Variants in TWSG1 observed in about 807,000 individuals in gnomAD.
TWSG1 encodes twisted gastrulation protein homolog 1.
In TWSG1, 15 loss-of-function variants were observed where a neutral mutation model predicts 23.0. That is an observed-to-expected ratio of 0.65 (90% CI 0.44 to 1.00). TWSG1 has a LOEUF of 1.00. TWSG1 is among the 50% of genes least tolerant of loss of function. The pLI, the probability that TWSG1 is intolerant of heterozygous loss-of-function variation, is 0.00. For synonymous variants in TWSG1, 86 were observed against 92.8 expected, an observed-to-expected ratio of 0.93 and a Z score of 0.42; for missense variants, 242 against 278.7, an observed-to-expected ratio of 0.87 and a Z score of 0.94.
chr18:9,376,852 T>G (rs1327976542), intron 3 of TWSG1, among the ~76,000 whole-genome samples: 2 of 141,568 alleles, frequency 1.4e-5, no homozygotes, highest in African/African-American at 5.2e-5. Context: ...AAAAAAAAAG[T>G]ATTAGGCCTA....
intron 3 of TWSG1, among the ~76,000 whole-genome samples, chr18:9,378,435 A>G (rs564337719): frequency 6.6e-6 from 1 of 152,300 alleles, no homozygotes; most frequent in South Asian, 2.1e-4. Flanking sequence ...TACAAAATCA[A>G]TGTACAAAAA....
chr18:9,367,103 T>A (rs867057211), intron 3 of TWSG1, among the ~76,000 whole-genome samples: 16 of 152,244 alleles, frequency 1.1e-4, no homozygotes, highest in Middle Eastern at 3.4e-3. Context: ...CGCTAATTTT[T>A]AAATTTTTTG....
At chr18:9,383,200 T>TTG (rs1255586859) in intron 3 of TWSG1, among the ~76,000 whole-genome samples, 72 of 91,812 alleles carry the variant, frequency 7.8e-4, no homozygotes, top group South Asian at 1.9e-3. Context: ...TTTTGTTTTT[T>TTG]TTTTTTTTTT....
intron 3 of TWSG1, among the ~76,000 whole-genome samples, chr18:9,373,730 A>G (rs1471711085): frequency 6.6e-6 from 1 of 152,222 alleles, no homozygotes; most frequent in African/African-American, 2.4e-5. Context: ...TCATTCCACA[A>G]CAGCAGAATA....
At chr18:9,367,031 G>A (rs7242298) in intron 3 of TWSG1, among the ~76,000 whole-genome samples, 10,206 of 151,954 alleles carry the variant, frequency 0.067, 409 homozygotes, top group Admixed American at 0.09. Context: ...CACTGCAGCC[G>A]CAACCTCAAG....
intron 2 of TWSG1, among the ~76,000 whole-genome samples, chr18:9,339,627 A>C (rs2040437235): frequency 6.6e-6 from 1 of 152,074 alleles, no homozygotes; most frequent in South Asian, 2.1e-4. Flanking sequence ...GCCATTAAAA[A>C]AATTTAAAAA....
intron 1 of TWSG1, among the ~76,000 whole-genome samples, chr18:9,336,237 C>A (rs1228865665): frequency 1.3e-5 from 2 of 151,942 alleles, no homozygotes; most frequent in East Asian, 3.8e-4. Flanking sequence ...ACTAAAAATA[C>A]AAAAATTAGC....
At chr18:9,340,116 C>A (rs1471492066) in intron 2 of TWSG1, among the ~76,000 whole-genome samples, 9 of 151,890 alleles carry the variant, frequency 5.9e-5, no homozygotes, top group Non-Finnish European at 1.2e-4. Flanking sequence ...AGCCTGTAAT[C>A]CCAGCACTTC....
rs576890293 is a variant in TWSG1 at position 9,341,839 on chromosome 18, A to G, written c.123+4487A>G. Reference sequence around the variant, plus strand: ...TTTTTTTTTAGCAATGAGACAGACTATAAGTGAGTTTTAAGAACAGTGCAT... The same window carrying G: ...TTTTTTTTTAGCAATGAGACAGACTGTAAGTGAGTTTTAAGAACAGTGCAT... On this transcript the variant is annotated intron_variant, in intron 2 of 4. Coordinates refer to ENST00000262120, the MANE Select transcript of TWSG1 (RefSeq NM_020648.6). 6.6e-5 allele frequency among the ~76,000 whole-genome samples: 10 copies of G among 151,608 alleles called. No homozygotes were observed. In the South Asian group the frequency reaches 1.9e-3, roughly 28 times the overall value.
chr18:9,366,447 A>T (rs1260158583), intron 3 of TWSG1, among the ~76,000 whole-genome samples: 2 of 152,346 alleles, frequency 1.3e-5, no homozygotes, highest in East Asian at 3.9e-4. Context: ...GACAGGCTCT[A>T]CCACCTAGTG....
chr18:9,365,652 A>G, intron 3 of TWSG1, among the ~76,000 whole-genome samples: 1 of 151,350 alleles, frequency 6.6e-6, no homozygotes. Flanking sequence ...AGTCCAGCCT[A>G]GGCGGCAGAG....
chr18:9,343,117 T>G (rs1325542805), intron 2 of TWSG1, among the ~76,000 whole-genome samples: 2 of 151,624 alleles, frequency 1.3e-5, no homozygotes, highest in Admixed American at 6.6e-5. Flanking sequence ...GAGTCTAGTG[T>G]TGGTCTTTTC....
chr18:9,346,790 C>T (rs1438245241), intron 2 of TWSG1, among the ~76,000 whole-genome samples: 1 of 152,186 alleles, frequency 6.6e-6, no homozygotes, highest in African/African-American at 2.4e-5. Context: ...CTGCTATAAC[C>T]ATCCATGTGC....
intron 2 of TWSG1, among the ~76,000 whole-genome samples, chr18:9,353,689 G>C (rs1023343059): frequency 2.0e-5 from 3 of 152,248 alleles, no homozygotes; most frequent in African/African-American, 7.2e-5. Context: ...AAAAAGCCTT[G>C]AGTCAGAAGA....
intron 2 of TWSG1, among the ~76,000 whole-genome samples, chr18:9,346,758 G>A (rs1222270903): frequency 6.6e-6 from 1 of 152,204 alleles, no homozygotes; most frequent in African/African-American, 2.4e-5. Flanking sequence ...GCGAGACCCT[G>A]TCCCTATAAA....
In TWSG1 at chr18:9,376,998, G is replaced by A. The variant is rs542512576; in HGVS notation, c.223+16927G>A. On this transcript the variant is annotated intron_variant, in intron 3 of 4. Transcript: ENST00000262120. ...TATTATGTATCATAAGTAATCTAGAGATTATTTCAAGTATTCACGAGGCTG... is the reference window on the plus strand; with the variant it reads ...TATTATGTATCATAAGTAATCTAGAAATTATTTCAAGTATTCACGAGGCTG... 5.9e-5 allele frequency among the ~76,000 whole-genome samples: 9 copies of A among 152,074 alleles called. No individual in the cohort carries two copies. The East Asian group carries it at 1.5e-3, about 26-fold the overall frequency.
intron 2 of TWSG1, among the ~76,000 whole-genome samples, chr18:9,357,548 A>C (rs1158325218): frequency 6.6e-6 from 1 of 152,216 alleles, no homozygotes; most frequent in African/African-American, 2.4e-5. Context: ...ACATTTTGAA[A>C]GCACGGTATT....
intron 1 of TWSG1, among the ~76,000 whole-genome samples, chr18:9,335,538 G>A (rs574983901): frequency 3.9e-5 from 6 of 152,312 alleles, no homozygotes; most frequent in Admixed American, 1.3e-4. Context: ...GGAAAGGGGG[G>A]AAATCCCAGT....
At chr18:9,392,530 A>G (rs1310388546) in intron 3 of TWSG1, among the ~76,000 whole-genome samples, 1 of 152,208 alleles carries the variant, frequency 6.6e-6, no homozygotes, top group Non-Finnish European at 1.5e-5. Context: ...AACTTTCTCC[A>G]TATCAGCAAT....
Sources: gnomAD v4.1 joint callset for allele counts (sites outside exome capture counted in the v4.1 genomes callset) on GRCh38, gnomAD v4.1.1 for gene constraint, MANE v1.5 for transcripts, NCBI Gene and HGNC (gene_info 2026-07-23, HGNC 2026-07-21) for gene names.